HNRNPH3: variants seen among roughly 807,000 people sequenced by gnomAD.
The protein encoded by HNRNPH3 is heterogeneous nuclear ribonucleoprotein H3, also known as heterogeneous nuclear ribonucleoprotein 2H9.
In HNRNPH3, 7 loss-of-function variants were observed where a neutral mutation model predicts 47.0. That is an observed-to-expected ratio of 0.15 (90% CI 0.08 to 0.28). The LOEUF (loss-of-function observed/expected upper bound fraction) is 0.28, where lower values mean the gene tolerates loss of function less well. Ranked by LOEUF, HNRNPH3 falls within the 10% of genes least tolerant of loss-of-function variation. HNRNPH3 has a pLI of 1.00. For synonymous variants in HNRNPH3, 120 were observed against 143.2 expected (o/e 0.84, Z 1.16); for missense variants, 279 against 449.6 (o/e 0.62, Z 3.43).
Position 68,342,138 on chromosome 10 carries a change from A to AAG in HNRNPH3, c.*86_*87dup. 1 of 963,106 alleles carries AAG rather than the reference A, an allele frequency of 1.0e-6. No homozygotes were observed. 59.7% of individuals were successfully genotyped at this position (963,106 alleles called of 1,614,324 possible). ...ACAGATTTAATTTCTTTTGTATTTT[A>AAG]AGAACTTTATAATGACTGAAGGAAT... On this transcript the variant is annotated 3_prime_UTR_variant, in exon 10 of 10. Coordinates refer to ENST00000265866, the MANE Select transcript of HNRNPH3 (RefSeq NM_012207.3).
intron 6 of HNRNPH3, 90 bp downstream of exon 6, chr10:68,339,645 T>A: frequency 1.3e-6 from 1 of 762,716 alleles, no homozygotes; most frequent in Non-Finnish European, 2.2e-6. Context: ...GTTTATAGCT[T>A]AATACCAAAA....
rs1589704754 is a variant in HNRNPH3, at chr10:68,337,102, TTTCCTCTTGTGGCACCTC to T, written c.-23-95_-23-78del. ...TCACAGCAGTTGGCCCCATGTTACA[TTTCCTCTTGTGGCACCTC>T]TGAGAGGTGTTTCTTCATTACCTCT... On this transcript the variant is annotated intron_variant, in intron 1 of 9. Transcript: ENST00000265866. This position sits in a 1 kb window ranked among gnomAD's most constrained non-coding sequence, Gnocchi z 4.5. The T allele has an allele frequency of 1.9e-5, 11 of 587,448 alleles. No individual in the cohort carries two copies. In the East Asian group the frequency reaches 3.3e-4, roughly 18 times the overall value. The allele number at this position is 587,448 out of a possible 1,614,324, so 36.4% of individuals were successfully genotyped here. A position where few individuals can be genotyped will look rare whatever the true frequency, so the allele number is the denominator to read the frequency against.
chr10:68,341,742 C>A lies in HNRNPH3; in HGVS notation c.872-17C>A. 3.2e-6 allele frequency: 5 copies of A among 1,586,322 alleles called. No homozygotes were observed. Among genetic ancestry groups the A allele is most frequent in the Non-Finnish European group, 4.3e-6 (5 of 1,168,974 alleles). ...TTATCGATGAGTCTCAATTTTTTTTCTTTTTTCTTTTTAAAGATAATCAGG... is the reference window on the plus strand; with the variant it reads ...TTATCGATGAGTCTCAATTTTTTTTATTTTTTCTTTTTAAAGATAATCAGG... On this transcript the variant is annotated splice_polypyrimidine_tract_variant and intron_variant, in intron 8 of 9. Coordinates refer to ENST00000265866, the MANE Select transcript of HNRNPH3 (RefSeq NM_012207.3).
Position 68,338,702 on chromosome 10 carries a change from T to G in HNRNPH3, c.436+15T>G. 1 of 1,538,822 alleles carries G rather than the reference T, an allele frequency of 6.5e-7. No individual in the cohort carries two copies. Among genetic ancestry groups the G allele is most frequent in the South Asian group, 1.2e-5 (1 of 80,472 alleles). Reference sequence around the variant, plus strand: ...ATATGATGGTGGTATGTGTATCTAATGAACAAAGGTTCTGTTGTCATTTTC... The same window carrying G: ...ATATGATGGTGGTATGTGTATCTAAGGAACAAAGGTTCTGTTGTCATTTTC... On this transcript the variant is annotated intron_variant, in intron 4 of 9. Coordinates refer to ENST00000265866, the MANE Select transcript of HNRNPH3 (RefSeq NM_012207.3).
rs1589730791 is a variant in HNRNPH3 at position 68,341,964 on chromosome 10, A to G, written c.965-14A>G. 7.4e-6 allele frequency: 12 copies of G among 1,613,398 alleles called. No homozygotes were observed. The highest frequency in any genetic ancestry group is 9.3e-6 in the Non-Finnish European group (11 of 1,179,424). ...TATCTCCTGCTGAGTGATTCTTAAT[A>G]TCTTTTTCTTAAGGCCGTGGTGGTG... is the stretch of plus-strand genomic sequence containing the variant. On this transcript the variant is annotated splice_polypyrimidine_tract_variant and intron_variant, in intron 9 of 9. Transcript: ENST00000265866.
chr10:68,340,021 G>A (rs2045785413), intron 6 of HNRNPH3, among the ~76,000 whole-genome samples: 1 of 151,314 alleles, frequency 6.6e-6, no homozygotes, highest in Non-Finnish European at 1.5e-5. Context: ...GGTGTCTTTT[G>A]TTGTACCGTT....
chr10:68,337,271 C>T lies in HNRNPH3; in HGVS notation c.50C>T (p.Thr17Ile), dbSNP rs753552697. ...HNGPNDASDG[T>I]VRLRGLPFGC... ...GGTCCAAATGACGCTAGTGATGGGACAGTACGACTTCGTGGACTACCATTT... is the reference window on the plus strand; with the variant it reads ...GGTCCAAATGACGCTAGTGATGGGATAGTACGACTTCGTGGACTACCATTT... Residue 17 changes from threonine to isoleucine, a missense_variant, in exon 2 of 10, where the codon ACA becomes ATA. This residue lies in a region of HNRNPH3 where 40 missense variants were observed against 113.8 expected (regional missense o/e 0.35). Coordinates refer to ENST00000265866, the MANE Select transcript of HNRNPH3 (RefSeq NM_012207.3). The surrounding 1 kb of genome is among the most constrained non-coding windows in gnomAD (Gnocchi z 4.5). 1 of 1,613,462 alleles carries T rather than the reference C, an allele frequency of 6.2e-7. No homozygotes were observed. The highest frequency in any genetic ancestry group is 1.1e-5 in the South Asian group (1 of 91,062).
At chr10:68,336,919 ACT>A in intron 1 of HNRNPH3, 1 of 261,814 alleles carries the variant, frequency 3.8e-6, no homozygotes, top group Non-Finnish European at 7.1e-6. Flanking sequence ...TAGTTTGAAG[ACT>A]CTGGTAGTAG....
At chr10:68,336,922 C>G in intron 1 of HNRNPH3, 1 of 267,566 alleles carries the variant, frequency 3.7e-6, no homozygotes, top group Non-Finnish European at 7.0e-6. Flanking sequence ...TTTGAAGACT[C>G]TGGTAGTAGA....
At chr10:68,335,536 T>C (rs1367862809) in intron 1 of HNRNPH3, among the ~76,000 whole-genome samples, 1 of 152,176 alleles carries the variant, frequency 6.6e-6, no homozygotes, top group Non-Finnish European at 1.5e-5. Context: ...TTTAGAATAG[T>C]ATTAAACTTA....
chr10:68,339,326 C>A (rs2045711941), intron 5 of HNRNPH3, 100 bp downstream of exon 5: 1 of 1,558,616 alleles, frequency 6.4e-7, no homozygotes, highest in South Asian at 1.2e-5. Context: ...AAAGTTAATT[C>A]AGACAAATTT....
intron 3 of HNRNPH3, 109 bp from the exon 4 acceptor site, chr10:68,338,394 A>T: frequency 1.7e-6 from 1 of 585,356 alleles, no homozygotes; most frequent in South Asian, 2.8e-5. Context: ...AGGCAATTTA[A>T]ATTGGGTTAT....
In HNRNPH3 at chr10:68,332,196, G is replaced by A. The variant is rs375657459; in HGVS notation, c.-44G>A. Reference sequence around the variant, plus strand: ...CTGGACCCCGCGAGCACCAGAGTCGGCGTAACTATCGCCTGACAGGGTATC... The same window carrying A: ...CTGGACCCCGCGAGCACCAGAGTCGACGTAACTATCGCCTGACAGGGTATC... On this transcript the variant is annotated 5_prime_UTR_variant, in exon 1 of 10. Coordinates refer to ENST00000265866, the MANE Select transcript of HNRNPH3 (RefSeq NM_012207.3). The A allele has an allele frequency of 1.3e-5, 2 of 152,338 alleles. No homozygotes were observed. The highest frequency in any genetic ancestry group is 4.1e-4 in the South Asian group (2 of 4,838). 9.4% of individuals were successfully genotyped at this position (152,338 alleles called of 1,614,324 possible).
Position 68,337,401 on chromosome 10 carries a change from A to G in HNRNPH3, c.112+68A>G. On this transcript the variant is annotated intron_variant, in intron 2 of 9. Transcript: ENST00000265866. The surrounding 1 kb of genome is among the most constrained non-coding windows in gnomAD (Gnocchi z 4.5). ...ATATTTGTATTGTTTTACTGTTTTT[A>G]ATTTGTAAAACCCATTTGATTTTGG... The G allele has an allele frequency of 1.9e-6, 2 of 1,030,086 alleles. No homozygotes were observed. The highest frequency in any genetic ancestry group is 2.8e-5 in the South Asian group (2 of 71,718). 63.8% of individuals were successfully genotyped at this position (1,030,086 alleles called of 1,614,324 possible).
At position 68,337,710 on chromosome 10, in the gene HNRNPH3, T is replaced by C; in HGVS notation, c.113-148T>C. 1.4e-6 allele frequency: 1 copy of C among 697,372 alleles called. No homozygotes were observed. Among genetic ancestry groups the C allele is most frequent in the Non-Finnish European group, 2.3e-6 (1 of 429,806 alleles). The allele number at this position is 697,372 out of a possible 1,614,324, so 43.2% of individuals were successfully genotyped here. On this transcript the variant is annotated intron_variant, in intron 2 of 9. Transcript: ENST00000265866. This position sits in a 1 kb window ranked among gnomAD's most constrained non-coding sequence, Gnocchi z 4.5. Reference sequence around the variant, plus strand: ...AATCCAGTAATATTTGAAAAAATCTTTCATTTGTATTATGGGGTGATGGGA... The same window carrying C: ...AATCCAGTAATATTTGAAAAAATCTCTCATTTGTATTATGGGGTGATGGGA...
chr10:68,331,923 C>G (rs1181176886), upstream of HNRNPH3: 2 of 152,326 alleles, frequency 1.3e-5, no homozygotes, highest in Non-Finnish European at 2.9e-5. Flanking sequence ...AGCTGCGCAA[C>G]CCACCACCGC....
chr10:68,342,119 T>A lies in HNRNPH3; in HGVS notation c.*65T>A. The A allele has an allele frequency of 8.9e-7, 1 of 1,125,478 alleles. No individual in the cohort carries two copies. Among genetic ancestry groups the A allele is most frequent in the Non-Finnish European group, 1.3e-6 (1 of 794,070 alleles). 69.7% of individuals were successfully genotyped at this position (1,125,478 alleles called of 1,614,324 possible). A position where few individuals can be genotyped will look rare whatever the true frequency, so the allele number is the denominator to read the frequency against. ...TGGTCTACTAGACTTTCTTACAGAT[T>A]TAATTTCTTTTGTATTTTAAGAACT... On this transcript the variant is annotated 3_prime_UTR_variant, in exon 10 of 10. Transcript: ENST00000265866.
chr10:68,342,235 G>T lies in HNRNPH3; in HGVS notation c.*181G>T. ...AATGTTTTCTGTAGGTTTATTTGTT[G>T]CATACTTTGACTTAAAAATAAATTT... On this transcript the variant is annotated 3_prime_UTR_variant, in exon 10 of 10. Coordinates refer to ENST00000265866, the MANE Select transcript of HNRNPH3 (RefSeq NM_012207.3). The T allele has an allele frequency of 2.0e-6, 1 of 509,588 alleles. No individual in the cohort carries two copies. Among genetic ancestry groups the T allele is most frequent in the Non-Finnish European group, 3.5e-6 (1 of 287,554 alleles). The allele number at this position is 509,588 out of a possible 1,614,324, so 31.6% of individuals were successfully genotyped here. A position where few individuals can be genotyped will look rare whatever the true frequency, so the allele number is the denominator to read the frequency against.
In HNRNPH3 at chr10:68,342,111, T is replaced by G; in HGVS notation, c.*57T>G. The stretch of plus-strand genomic sequence containing the variant: ...ACAGCATCTGGTCTACTAGACTTTC[T>G]TACAGATTTAATTTCTTTTGTATTT... On this transcript the variant is annotated 3_prime_UTR_variant, in exon 10 of 10. Coordinates refer to ENST00000265866, the MANE Select transcript of HNRNPH3 (RefSeq NM_012207.3). 1 of 1,198,842 alleles carries G rather than the reference T, an allele frequency of 8.3e-7. No homozygotes were observed. The highest frequency in any genetic ancestry group is 1.5e-5 in the African/African-American group (1 of 64,906). The allele number at this position is 1,198,842 out of a possible 1,614,324, so 74.3% of individuals were successfully genotyped here.
Sources: gnomAD v4.1 joint callset for allele counts (sites outside exome capture counted in the v4.1 genomes callset) on GRCh38, gnomAD v4.1.1 for gene constraint, gnomAD v4.1.1 regional missense constraint, Gnocchi (gnomAD v3.1) non-coding constraint, MANE v1.5 for transcripts, NCBI Gene and HGNC (gene_info 2026-07-23, HGNC 2026-07-21) for gene names.